PARD3B: variants seen among roughly 807,000 people sequenced by gnomAD.
PARD3B encodes the protein partitioning defective 3 homolog B.
PARD3B carries 103 observed loss-of-function variants against 130.2 expected under a neutral mutation model. That is an observed-to-expected ratio of 0.79 (90% CI 0.67 to 0.93). The LOEUF (loss-of-function observed/expected upper bound fraction) is 0.93, where lower values mean the gene tolerates loss of function less well. Ranked by LOEUF, PARD3B falls within the 40% of genes least tolerant of loss-of-function variation. The pLI, the probability that PARD3B is intolerant of heterozygous loss-of-function variation, is 0.00. For synonymous variants in PARD3B, 583 were observed against 553.2 expected (o/e 1.05, Z -0.76); for missense variants, 1,609 against 1,499.2 (o/e 1.07, Z -1.21).
chr2:205,611,690 T>A lies in PARD3B; in HGVS notation c.3261-3766T>A, dbSNP rs572268074. Among the ~76,000 whole-genome samples the A allele has an allele frequency of 1.1e-4, 17 of 152,248 alleles. No homozygotes were observed. In the East Asian group the frequency reaches 3.1e-3, roughly 28 times the overall value. ...AATAAAATAAGCAATAATTTCAAAA[T>A]ATAGGTATTTTCATGACAGCCCCCT... On this transcript the variant is annotated intron_variant, in intron 22 of 22. Transcript: ENST00000406610.
At chr2:204,746,733 G>C (rs1383358679) in intron 2 of PARD3B, among the ~76,000 whole-genome samples, 1 of 152,164 alleles carries the variant, frequency 6.6e-6, no homozygotes, top group African/African-American at 2.4e-5. Flanking sequence ...GATGGCCAGT[G>C]ATGACGAGCG....
At chr2:205,557,291 G>A (rs1042184568) in intron 22 of PARD3B, among the ~76,000 whole-genome samples, 3 of 152,106 alleles carry the variant, frequency 2.0e-5, no homozygotes, top group Non-Finnish European at 2.9e-5. Context: ...TTGTAGTCAT[G>A]TTGTCAACTC....
intron 2 of PARD3B, among the ~76,000 whole-genome samples, chr2:204,892,556 C>T (rs2046487278): frequency 6.6e-6 from 1 of 152,030 alleles, no homozygotes; most frequent in South Asian, 2.1e-4. Flanking sequence ...CGTATGAAAA[C>T]TAAGAAAAGT....
rs112703455 is a variant in PARD3B, at chr2:205,130,365, G to A, written c.1434+4628G>A. On this transcript the variant is annotated intron_variant, in intron 10 of 22. Transcript: ENST00000406610. ...AGATGTGGCCTACAAATTCTTTTCTGTCTCTGATACCTGAAATTCTTTCTT... is the reference window on the plus strand; with the variant it reads ...AGATGTGGCCTACAAATTCTTTTCTATCTCTGATACCTGAAATTCTTTCTT... 9.3e-3 allele frequency among the ~76,000 whole-genome samples: 1,412 copies of A among 152,276 alleles called. 14 individuals are homozygous for A. Among genetic ancestry groups the A allele is most frequent in the African/African-American group, 0.03 (1,249 of 41,568 alleles).
In PARD3B at chr2:204,675,962, T is replaced by C. The variant is rs1052175429; in HGVS notation, c.121-10219T>C. Among the ~76,000 whole-genome samples the C allele has an allele frequency of 1.8e-4, 27 of 152,068 alleles. No homozygotes were observed. The highest frequency in any genetic ancestry group is 6.3e-4 in the African/African-American group (26 of 41,408). On this transcript the variant is annotated intron_variant, in intron 1 of 22. Coordinates refer to ENST00000406610, the MANE Select transcript of PARD3B (RefSeq NM_001302769.2). The surrounding 1 kb of genome is among the most constrained non-coding windows in gnomAD (Gnocchi z 4.4). ...TACCTTTTCTATGGCTTAACCTTTG[T>C]TAAGCCATACTGGTTTATACATAAT...
At chr2:205,206,625 A>G (rs939731456) in intron 15 of PARD3B, among the ~76,000 whole-genome samples, 5 of 151,570 alleles carry the variant, frequency 3.3e-5, no homozygotes, top group Admixed American at 6.6e-5. Flanking sequence ...ATTATTGGAC[A>G]TTTGGCTTGG....
intron 20 of PARD3B, among the ~76,000 whole-genome samples, chr2:205,445,019 C>A (rs1559100884): frequency 6.6e-6 from 1 of 152,012 alleles, no homozygotes; most frequent in South Asian, 2.1e-4. Flanking sequence ...CTCTTGGTGA[C>A]AAAGAGAGAG....
chr2:204,563,088 G>T (rs138214987), intron 1 of PARD3B, among the ~76,000 whole-genome samples: 92 of 152,208 alleles, frequency 6.0e-4, no homozygotes, highest in African/African-American at 2.1e-3. Context: ...GCAGGGCCAC[G>T]CTTCCTTCAA....
chr2:204,685,715 G>T (rs1303229310), intron 1 of PARD3B, among the ~76,000 whole-genome samples: 5 of 152,076 alleles, frequency 3.3e-5, no homozygotes, highest in African/African-American at 1.2e-4. Context: ...GATGTTGGTG[G>T]CTACCCATTC....
intron 4 of PARD3B, among the ~76,000 whole-genome samples, chr2:205,060,702 G>A (rs1700017331): frequency 6.6e-6 from 1 of 152,018 alleles, no homozygotes; most frequent in African/African-American, 2.4e-5. Context: ...ATAATTAAAG[G>A]TCTTTTATAA....
chr2:205,408,227 C>T (rs2046476812), intron 19 of PARD3B, among the ~76,000 whole-genome samples: 3 of 152,162 alleles, frequency 2.0e-5, no homozygotes, highest in Admixed American at 2.0e-4. Context: ...TAAATCAATA[C>T]ATGTGTTTTT....
At chr2:205,316,770 T>A (rs1471764736) in intron 18 of PARD3B, among the ~76,000 whole-genome samples, 2 of 152,146 alleles carry the variant, frequency 1.3e-5, no homozygotes. Flanking sequence ...AGTGTCCTCT[T>A]TCCAACAGCA....
At chr2:205,408,754 A>C (rs995970307) in intron 19 of PARD3B, among the ~76,000 whole-genome samples, 6 of 152,170 alleles carry the variant, frequency 3.9e-5, no homozygotes, top group African/African-American at 1.4e-4. Flanking sequence ...ATGTTTTGGC[A>C]TGATTACATA....
At chr2:205,057,785 TTGTG>T (rs1699826863) in intron 4 of PARD3B, among the ~76,000 whole-genome samples, 1 of 150,460 alleles carries the variant, frequency 6.6e-6, no homozygotes, top group Non-Finnish European at 1.5e-5. Flanking sequence ...GTGTGTGTGT[TTGTG>T]TGTATGTTTA....
intron 19 of PARD3B, among the ~76,000 whole-genome samples, chr2:205,430,907 T>C (rs2047310205): frequency 6.6e-6 from 1 of 152,138 alleles, no homozygotes; most frequent in Non-Finnish European, 1.5e-5. Flanking sequence ...GTTTATGGAG[T>C]ATTAGATGAT....
chr2:204,600,822 A>T (rs2033479259), intron 1 of PARD3B, among the ~76,000 whole-genome samples: 1 of 151,902 alleles, frequency 6.6e-6, no homozygotes, highest in Non-Finnish European at 1.5e-5. Context: ...TTACAAAATG[A>T]GTTATATAGA....
At chr2:205,117,138 C>T (rs2029898090) in intron 6 of PARD3B, among the ~76,000 whole-genome samples, 1 of 152,144 alleles carries the variant, frequency 6.6e-6, no homozygotes, top group South Asian at 2.1e-4. Context: ...TAACAAAAAT[C>T]CAAAATGTGA....
chr2:205,000,981 T>TTTTG lies in PARD3B; in HGVS notation c.394+35678_394+35681dup, dbSNP rs748361224. Among the ~76,000 whole-genome samples the TTTTG allele has an allele frequency of 9.0e-4, 137 of 152,180 alleles. 2 individuals carry two copies. The highest frequency in any genetic ancestry group is 4.1e-4 in the Non-Finnish European group (28 of 68,008). ...TACTGTATTGCTTTTACGAGGTGTT[T>TTTTG]TTTGTTTGTTTGTTTGTTTGTTTTT... On this transcript the variant is annotated intron_variant, in intron 3 of 22. Coordinates refer to ENST00000406610, the MANE Select transcript of PARD3B (RefSeq NM_001302769.2).
In PARD3B at chr2:205,104,490, C is replaced by T. The variant is rs765556933; in HGVS notation, c.569C>T (p.Ser190Leu). Residue 190 changes from serine to leucine, a missense_variant, in exon 5 of 23, where the codon TCG becomes TTG. By Grantham distance (145) the Ser-to-Leu change is moderately radical. Coordinates refer to ENST00000406610, the MANE Select transcript of PARD3B (RefSeq NM_001302769.2). Reference sequence around the variant, plus strand: ...GGTGTACAGACAGAACTACTAACTTCGCCAAGAACTAAGGACACATTGAGG... The same window carrying T: ...GGTGTACAGACAGAACTACTAACTTTGCCAAGAACTAAGGACACATTGAGG... ...LNGVQTELLT[S>L]PRTKDTLSDM... 37 of 1,582,772 alleles carry T rather than the reference C, an allele frequency of 2.3e-5. No individual in the cohort carries two copies. In the South Asian group the frequency reaches 3.0e-4, roughly 13 times the overall value.
Sources: gnomAD v4.1 joint callset for allele counts (sites outside exome capture counted in the v4.1 genomes callset) on GRCh38, gnomAD v4.1.1 for gene constraint, Gnocchi (gnomAD v3.1) non-coding constraint, MANE v1.5 for transcripts, NCBI Gene and HGNC (gene_info 2026-07-23, HGNC 2026-07-21) for gene names.